The following MOSPD1 variants were observed in gnomAD, a reference collection of about 807,000 sequenced individuals.
MOSPD1 encodes the protein motile sperm domain-containing protein 1.
In MOSPD1, 5 loss-of-function variants were observed where a neutral mutation model predicts 16.7. The ratio of observed to expected loss-of-function variants is 0.30; its 90% CI spans 0.16 to 0.63. The LOEUF (loss-of-function observed/expected upper bound fraction) is 0.63. Among genes scored for constraint, MOSPD1 ranks in the 30% least tolerant of loss-of-function variants. MOSPD1 has a pLI of 0.82. For missense variants in MOSPD1, 104 were observed against 153.6 expected (o/e 0.68, Z 1.71); for synonymous variants, 67 against 59.2 (o/e 1.13, Z -0.61).
In MOSPD1 at chrX:134,906,851, C is replaced by G. The variant is rs758299094; in HGVS notation, c.-101-7317G>C. Reference sequence around the variant, plus strand: ...GCCCAGGATGGTTAAGAGACTTATCCAAGGTTGCACAGGGTATTGGTGGCA... The same window carrying G: ...GCCCAGGATGGTTAAGAGACTTATCGAAGGTTGCACAGGGTATTGGTGGCA... On this transcript the variant is annotated intron_variant, in intron 1 of 5. Coordinates refer to ENST00000370783, the MANE Select transcript of MOSPD1 (RefSeq NM_019556.3). Among the ~76,000 whole-genome samples the G allele has an allele frequency of 3.6e-5, 4 of 111,565 alleles. No individual in the cohort carries two copies. The South Asian group carries it at 1.5e-3, about 42-fold the overall frequency.
At chrX:134,898,367 A>C (rs1237235906) in intron 3 of MOSPD1, among the ~76,000 whole-genome samples, 1 of 112,343 alleles carries the variant, frequency 8.9e-6, no homozygotes, top group African/African-American at 3.2e-5. Flanking sequence ...TCTCAAAGAT[A>C]CATCATTTTA....
In MOSPD1 at chrX:134,891,614, T is replaced by C; in HGVS notation, c.475A>G (p.Ser159Gly). Reference protein sequence around the residue: ...PENRAVSSGPSLLTVFLGVVC... With the variant: ...PENRAVSSGPGLLTVFLGVVC... Reference sequence around the variant, plus strand: ...ACTCCCAGGAAGACAGTTAGTAAACTAGGTCCTGAGGATACAGCTCTGTTT... The same window carrying C: ...ACTCCCAGGAAGACAGTTAGTAAACCAGGTCCTGAGGATACAGCTCTGTTT... Residue 159 changes from serine to glycine, a missense_variant, in exon 5 of 6, where the codon AGT becomes GGT. Transcript: ENST00000370783. The C allele has an allele frequency of 8.3e-7, 1 of 1,211,283 alleles. No individual in the cohort carries two copies. Among genetic ancestry groups the C allele is most frequent in the Non-Finnish European group, 1.1e-6 (1 of 895,337 alleles).
chrX:134,889,768 C>T lies in MOSPD1; in HGVS notation c.611-576G>A, dbSNP rs758384735. On this transcript the variant is annotated intron_variant, in intron 5 of 5. Transcript: ENST00000370783. ...AAAAGTTGCCCCCAATGATAAAAAG[C>T]TGCTTTAAAAGATGGACAGGGGCTA... Among the ~76,000 whole-genome samples, 3 of 111,581 alleles carry T rather than the reference C, an allele frequency of 2.7e-5. No individual in the cohort carries two copies. In the South Asian group the frequency reaches 1.1e-3, roughly 42 times the overall value.
At position 134,889,119 on chromosome X, in the gene MOSPD1, T is replaced by C. The variant is rs2082848921; in HGVS notation, c.*42A>G. 71 of 1,127,287 alleles carry C rather than the reference T, an allele frequency of 6.3e-5. No homozygotes were observed. The highest frequency in any genetic ancestry group is 8.3e-5 in the Non-Finnish European group (69 of 828,162). 92.9% of individuals were successfully genotyped at this position (1,127,287 alleles called of 1,213,427 possible). ...GATAAAAGGCAGTCCACATTCATAT[T>C]TTCAAGACAGATTTACTTCAGAAGT... is the stretch of plus-strand genomic sequence containing the variant. On this transcript the variant is annotated 3_prime_UTR_variant, in exon 6 of 6. Transcript: ENST00000370783.
At chrX:134,911,924 G>A (rs966262512) in intron 1 of MOSPD1, among the ~76,000 whole-genome samples, 1 of 112,651 alleles carries the variant, frequency 8.9e-6, no homozygotes, top group Non-Finnish European at 1.9e-5. Context: ...AAAGTCAACT[G>A]AAACTGTTAT....
chrX:134,895,389 C>T (rs1351259576), intron 4 of MOSPD1, among the ~76,000 whole-genome samples: 1 of 111,696 alleles, frequency 9.0e-6, no homozygotes, highest in Non-Finnish European at 1.9e-5. Flanking sequence ...GCATGATCTT[C>T]ACCTGAATTT....
chrX:134,907,412 G>A (rs759689137), intron 1 of MOSPD1, among the ~76,000 whole-genome samples: 3 of 111,935 alleles, frequency 2.7e-5, no homozygotes, highest in African/African-American at 9.7e-5. Flanking sequence ...GAAAAATCAA[G>A]AGACAATTTC....
chrX:134,911,666 T>A (rs1423045067), intron 1 of MOSPD1, among the ~76,000 whole-genome samples: 1 of 112,164 alleles, frequency 8.9e-6, no homozygotes, highest in African/African-American at 3.2e-5. Context: ...TTGAGTTTGG[T>A]TGGTGTGAAT....
chrX:134,895,586 C>A (rs954638582), intron 4 of MOSPD1, among the ~76,000 whole-genome samples: 3 of 111,159 alleles, frequency 2.7e-5, no homozygotes, highest in Non-Finnish European at 5.7e-5. Flanking sequence ...AAATGGCCTT[C>A]TTTGTACTAG....
chrX:134,900,351 G>A (rs962067958), intron 1 of MOSPD1, among the ~76,000 whole-genome samples: 2 of 112,353 alleles, frequency 1.8e-5, no homozygotes, highest in African/African-American at 6.5e-5. Flanking sequence ...TTTATTTAGT[G>A]CCTTCTTGGC....
At chrX:134,894,136 T>C (rs2082875324) in intron 4 of MOSPD1, among the ~76,000 whole-genome samples, 1 of 112,252 alleles carries the variant, frequency 8.9e-6, no homozygotes, top group African/African-American at 3.2e-5. Flanking sequence ...CTTATGCACA[T>C]AGGCAAGGTC....
rs1359085233 is a variant in MOSPD1 at position 134,888,275 on chromosome X, C to T, written c.*886G>A. On this transcript the variant is annotated 3_prime_UTR_variant, in exon 6 of 6. Transcript: ENST00000370783. Reference sequence around the variant, plus strand: ...ACATAGCTATCAAGAGTTTCTTACACTTGGCTTAGAGTTTAAAGGTGAAAA... The same window carrying T: ...ACATAGCTATCAAGAGTTTCTTACATTTGGCTTAGAGTTTAAAGGTGAAAA... 8.9e-6 allele frequency: 1 copy of T among 112,284 alleles called. No individual in the cohort carries two copies. The highest frequency in any genetic ancestry group is 3.2e-5 in the African/African-American group (1 of 30,859). The allele number at this position is 112,284 out of a possible 1,213,427, so 9.3% of individuals were successfully genotyped here. A position where few individuals can be genotyped will look rare whatever the true frequency, so the allele number is the denominator to read the frequency against.
chrX:134,902,206 G>A (rs190366318), intron 1 of MOSPD1, among the ~76,000 whole-genome samples: 6 of 109,462 alleles, frequency 5.5e-5, no homozygotes, highest in Non-Finnish European at 7.6e-5. Context: ...TCAGGAGTTC[G>A]AGACCAGCCT....
intron 1 of MOSPD1, among the ~76,000 whole-genome samples, chrX:134,912,086 T>A (rs1161623333): frequency 1.1e-4 from 12 of 112,481 alleles, no homozygotes; most frequent in Admixed American, 1.0e-3. Context: ...GTTTCGCTCT[T>A]ATTGCCCAGG....
At chrX:134,905,821 G>T (rs767990544) in intron 1 of MOSPD1, among the ~76,000 whole-genome samples, 2 of 112,246 alleles carry the variant, frequency 1.8e-5, no homozygotes, top group South Asian at 7.3e-4. Flanking sequence ...TTAAGAACAT[G>T]TATAACTCTA....
chrX:134,904,855 C>A (rs747963975), intron 1 of MOSPD1, among the ~76,000 whole-genome samples: 1 of 105,700 alleles, frequency 9.5e-6, no homozygotes, highest in Non-Finnish European at 1.9e-5. Flanking sequence ...GAGTGAGACT[C>A]CATCTGAAAA....
rs750410061 is a variant in MOSPD1 at position 134,899,305 on chromosome X, G to T, written c.129C>A (p.Pro43=). 1.7e-6 allele frequency: 2 copies of T among 1,183,279 alleles called. No homozygotes were observed. Among genetic ancestry groups the T allele is most frequent in the Admixed American group, 5.1e-5 (2 of 39,383 alleles). ...CTTTGAACTTTAAGGCAAACTCATA[G>T]GGATTGTACAGTGTCAACACTTGCT... ...THKQVLTLYN[P]YEFALKFKVL... is the part of the protein sequence containing the mutation. Residue 43 remains proline (P), a synonymous_variant, in exon 2 of 6, where the codon CCC becomes CCA. Coordinates refer to ENST00000370783, the MANE Select transcript of MOSPD1 (RefSeq NM_019556.3).
intron 5 of MOSPD1, among the ~76,000 whole-genome samples, chrX:134,889,406 C>T (rs1273142110): frequency 1.2e-4 from 14 of 112,060 alleles, no homozygotes; most frequent in Non-Finnish European, 2.6e-4. Context: ...TTAATTAAAT[C>T]ACTAATGTCT....
At position 134,908,424 on chromosome X, in the gene MOSPD1, G is replaced by A. The variant is rs1249449411; in HGVS notation, c.-102+6758C>T. On this transcript the variant is annotated intron_variant, in intron 1 of 5. Transcript: ENST00000370783. ...GGTAAGAGGAGAGCAGAGAGAATCAGCACTCCCAGTTACCTCTCTTCCCCT... is the reference window on the plus strand; with the variant it reads ...GGTAAGAGGAGAGCAGAGAGAATCAACACTCCCAGTTACCTCTCTTCCCCT... Among the ~76,000 whole-genome samples the A allele has an allele frequency of 2.7e-5, 3 of 111,617 alleles. No individual in the cohort carries two copies. The East Asian group carries it at 8.4e-4, about 31-fold the overall frequency.
Sources: allele counts gnomAD v4.1 joint callset (sites outside exome capture counted in the v4.1 genomes callset), GRCh38; gene constraint gnomAD v4.1.1; transcripts MANE v1.5; gene names NCBI Gene and HGNC (gene_info 2026-07-23, HGNC 2026-07-21).